The following SOX5 variants were observed in gnomAD, a reference collection of about 807,000 sequenced individuals.
SOX5 encodes the protein SRY-box transcription factor 5.
SOX5 carries 9 observed loss-of-function variants against 92.0 expected under a neutral mutation model. That is an observed-to-expected ratio of 0.10 (90% confidence interval 0.06 to 0.17). SOX5 has a LOEUF of 0.17. SOX5 is among the 10% of genes least tolerant of loss of function. The pLI, the probability that SOX5 is intolerant of heterozygous loss-of-function variation, is 1.00. For synonymous variants in SOX5, 344 were observed against 336.3 expected (o/e 1.02, Z -0.25); for missense variants, 642 against 944.5 (o/e 0.68, Z 4.20).
intron 1 of SOX5, among the ~76,000 whole-genome samples, chr12:24,501,843 A>G (rs560604265): frequency 1.3e-5 from 2 of 152,338 alleles, no homozygotes; most frequent in South Asian, 4.1e-4. Flanking sequence ...CAAAACAAAT[A>G]AACAAATTTC....
chr12:23,887,760 A>T (rs2097084277), intron 2 of SOX5, among the ~76,000 whole-genome samples: 1 of 152,160 alleles, frequency 6.6e-6, no homozygotes. Context: ...AAAGCTTCAT[A>T]GTACATTTTG....
chr12:23,758,175 A>G (rs1178396388), intron 3 of SOX5, among the ~76,000 whole-genome samples: 2 of 152,016 alleles, frequency 1.3e-5, no homozygotes, highest in African/African-American at 4.8e-5. Flanking sequence ...TTCAGATTCA[A>G]ATACATTTAT....
intron 2 of SOX5, among the ~76,000 whole-genome samples, chr12:24,318,656 T>G (rs1390144085): frequency 6.6e-6 from 1 of 152,206 alleles, no homozygotes; most frequent in Non-Finnish European, 1.5e-5. Context: ...TTTCCTCTTC[T>G]GTAAAATGAA....
In SOX5 at chr12:23,779,955, CTGTGTG is replaced by C. The variant is rs10686652; in HGVS notation, c.482-24237_482-24232del. On this transcript the variant is annotated intron_variant, in intron 3 of 14. Coordinates refer to ENST00000451604, the MANE Select transcript of SOX5 (RefSeq NM_006940.6). ...TGTGTGTGCATGAGACACAGCGAGA[CTGTGTG>C]TGTGTGTGTGTGTGTGTGTGTGTGT... is the stretch of plus-strand genomic sequence containing the variant. Among the ~76,000 whole-genome samples the C allele has an allele frequency of 7.7e-3, 1,049 of 136,556 alleles. 16 individuals carry two copies. The highest frequency in any genetic ancestry group is 0.026 in the African/African-American group (986 of 37,440). 89.6% of individuals were successfully genotyped at this position (136,556 alleles called of 152,430 possible).
intron 3 of SOX5, among the ~76,000 whole-genome samples, chr12:24,261,181 A>G (rs1046067016): frequency 3.3e-5 from 5 of 152,178 alleles, no homozygotes; most frequent in African/African-American, 9.7e-5. Flanking sequence ...AAAAAAAACT[A>G]TATCTACAGC....
At chr12:24,121,763 G>A (rs1948643952) in intron 4 of SOX5, among the ~76,000 whole-genome samples, 1 of 151,370 alleles carries the variant, frequency 6.6e-6, no homozygotes, top group African/African-American at 2.4e-5. Flanking sequence ...GTAGGCGCCT[G>A]TAGTCCAAGA....
chr12:24,343,284 C>T (rs537718818), intron 2 of SOX5, among the ~76,000 whole-genome samples: 1 of 151,190 alleles, frequency 6.6e-6, no homozygotes, highest in East Asian at 1.9e-4. Context: ...CTCTACTTTA[C>T]AATCTGGATC....
At chr12:23,976,390 T>TAAAAAAAAAAAAA (rs1327142180) in intron 4 of SOX5, among the ~76,000 whole-genome samples, 1 of 111,576 alleles carries the variant, frequency 9.0e-6, no homozygotes, top group African/African-American at 3.6e-5. Flanking sequence ...TGAACACTAT[T>TAAAAAAAAAAAAA]AAAAAAACAA....
intron 4 of SOX5, among the ~76,000 whole-genome samples, chr12:24,007,153 A>ATC: frequency 1.3e-5 from 1 of 74,594 alleles, no homozygotes; most frequent in African/African-American, 4.4e-5. Flanking sequence ...ATATATATAT[A>ATC]TATATATACA....
At chr12:23,960,690 A>G (rs1385792743) in intron 4 of SOX5, among the ~76,000 whole-genome samples, 1 of 151,374 alleles carries the variant, frequency 6.6e-6, no homozygotes, top group Non-Finnish European at 1.5e-5. Context: ...TATTCAATAT[A>G]TAAATTGATA....
At chr12:23,888,595 T>C (rs1355876928) in intron 2 of SOX5, among the ~76,000 whole-genome samples, 3 of 152,190 alleles carry the variant, frequency 2.0e-5, no homozygotes, top group Non-Finnish European at 4.4e-5. Context: ...CAGGACAAAA[T>C]GATCGATTGC....
intron 1 of SOX5, among the ~76,000 whole-genome samples, chr12:24,397,168 G>A (rs1205249861): frequency 6.6e-6 from 1 of 151,900 alleles, no homozygotes; most frequent in Admixed American, 6.6e-5. Flanking sequence ...GACTTCCAAG[G>A]CTTGCTTTCA....
chr12:23,658,694 C>A (rs1233146738), intron 7 of SOX5, among the ~76,000 whole-genome samples: 2 of 152,072 alleles, frequency 1.3e-5, no homozygotes, highest in Non-Finnish European at 2.9e-5. Context: ...AGTTCGAAAC[C>A]AGGCTGGCCA....
intron 4 of SOX5, among the ~76,000 whole-genome samples, chr12:23,989,103 T>G (rs942863764): frequency 2.0e-5 from 3 of 151,594 alleles, no homozygotes; most frequent in African/African-American, 7.3e-5. Flanking sequence ...GCCACGTGCG[T>G]TGGCTCATGT....
At chr12:24,326,343 G>T (rs2140943415) in intron 2 of SOX5, among the ~76,000 whole-genome samples, 1 of 152,094 alleles carries the variant, frequency 6.6e-6, no homozygotes, top group South Asian at 2.1e-4. Flanking sequence ...GAACGAATAT[G>T]GTAGCAAATC....
intron 4 of SOX5, among the ~76,000 whole-genome samples, chr12:24,205,035 A>G (rs1220631606): frequency 2.0e-5 from 3 of 152,212 alleles, no homozygotes; most frequent in Non-Finnish European, 2.9e-5. Flanking sequence ...TCAGGATGAA[A>G]CTATACAGCT....
chr12:23,741,437 A>T (rs2093793736), intron 4 of SOX5, among the ~76,000 whole-genome samples: 1 of 152,208 alleles, frequency 6.6e-6, no homozygotes, highest in African/African-American at 2.4e-5. Context: ...AGCTGGAAAT[A>T]AAAAGATGTC....
In SOX5 at chr12:23,583,960, T is replaced by C. The variant is rs1329729762; in HGVS notation, c.1165-8122A>G. ...TTAACAAAAAAAGTAAAACAGGAGC[T>C]CACAGAGCAATACGACTTTATAAAA... On this transcript the variant is annotated intron_variant, in intron 9 of 14. Coordinates refer to ENST00000451604, the MANE Select transcript of SOX5 (RefSeq NM_006940.6). Among the ~76,000 whole-genome samples, 4 of 152,172 alleles carry C rather than the reference T, an allele frequency of 2.6e-5. No homozygotes were observed. In the East Asian group the frequency reaches 7.7e-4, roughly 29 times the overall value.
chr12:24,359,102 C>T (rs1955208034), intron 2 of SOX5, among the ~76,000 whole-genome samples: 2 of 152,154 alleles, frequency 1.3e-5, no homozygotes, highest in African/African-American at 2.4e-5. Flanking sequence ...GCAGTGACTA[C>T]GTTTGCTTTG....
Sources: gnomAD v4.1 joint callset for allele counts (sites outside exome capture counted in the v4.1 genomes callset) on GRCh38, gnomAD v4.1.1 for gene constraint, MANE v1.5 for transcripts, NCBI Gene and HGNC (gene_info 2026-07-23, HGNC 2026-07-21) for gene names.